The following ADGRF5 variants were observed in gnomAD, a reference collection of about 807,000 sequenced individuals.
The protein encoded by ADGRF5 is G-protein coupled receptor 116.
A neutral mutation model predicts 132.3 loss-of-function variants in ADGRF5; 75 were observed. That is an observed-to-expected ratio of 0.57 (90% CI 0.47 to 0.69). The LOEUF is 0.69. Among genes scored for constraint, ADGRF5 ranks in the 30% least tolerant of loss-of-function variants. The pLI is 0.00. For missense variants in ADGRF5, 1,516 were observed against 1,630.6 expected, an observed-to-expected ratio of 0.93 and a Z score of 1.21; for synonymous variants, 629 against 597.6, an observed-to-expected ratio of 1.05 and a Z score of -0.77.
rs368400229 is a variant in ADGRF5, at chr6:46,863,059, G to A, written c.2028C>T (p.Val676=). The A allele has an allele frequency of 9.9e-6, 16 of 1,613,782 alleles. No homozygotes were observed. Among genetic ancestry groups the A allele is most frequent in the African/African-American group, 4.0e-5 (3 of 74,866 alleles). The change falls in exon 15 of 21, where the codon GTC becomes GTT. Residue 676 remains valine, a synonymous_variant. Transcript: ENST00000283296. The part of the protein sequence containing the change: ...NITCQDPVIG[V]GEPGKVIQKL... ...TCTGGATGACTTTCCCCGGCTCTCCGACACCTATTACGGGATCCTGGCATG... is the reference window on the plus strand; with the variant it reads ...TCTGGATGACTTTCCCCGGCTCTCCAACACCTATTACGGGATCCTGGCATG...
At chr6:46,917,349 T>C (rs769242633) in intron 1 of ADGRF5, among the ~76,000 whole-genome samples, 5 of 152,240 alleles carry the variant, frequency 3.3e-5, no homozygotes, top group Non-Finnish European at 7.3e-5. Context: ...GGTCCTGCCA[T>C]GTGGATCACT....
intron 4 of ADGRF5, among the ~76,000 whole-genome samples, chr6:46,885,141 T>C (rs1222780342): frequency 6.7e-6 from 1 of 148,302 alleles, no homozygotes; most frequent in Non-Finnish European, 1.5e-5. Flanking sequence ...TTGCAGTGAG[T>C]TGAGATTGCA....
intron 9 of ADGRF5, 40 bp downstream of exon 9, chr6:46,879,778 T>C (rs41273670): frequency 4.3e-5 from 57 of 1,328,006 alleles, no homozygotes; most frequent in Non-Finnish European, 5.9e-5. Context: ...TATAAGCTCT[T>C]CATTCCATTC....
At chr6:46,864,933 T>C (rs1159227776) in intron 14 of ADGRF5, 109 bp downstream of exon 14, 1 of 742,354 alleles carries the variant, frequency 1.3e-6, no homozygotes, top group African/African-American at 1.7e-5. Flanking sequence ...CCTACCACAG[T>C]GAGGGTATTT....
rs1035961519 is a variant in ADGRF5 at position 46,863,315 on chromosome 6, T to C, written c.1991-219A>G. On this transcript the variant is annotated intron_variant, in intron 14 of 20. Coordinates refer to ENST00000283296, the MANE Select transcript of ADGRF5 (RefSeq NM_001098518.2). ...CTGACTTCTGTAATCGGAACTTCCT[T>C]TTCCTAACAGAATTTTATACCTTCA... 6.1e-6 allele frequency: 4 copies of C among 655,230 alleles called. No homozygotes were observed. In the Admixed American group the frequency reaches 8.3e-5, roughly 14 times the overall value. 40.6% of individuals were successfully genotyped at this position (655,230 alleles called of 1,614,324 possible).
At chr6:46,927,691 A>G (rs1467249051) in intron 1 of ADGRF5, among the ~76,000 whole-genome samples, 2 of 152,204 alleles carry the variant, frequency 1.3e-5, no homozygotes, top group Non-Finnish European at 2.9e-5. Flanking sequence ...TAACATCATT[A>G]TCACAGAAGT....
chr6:46,920,532 G>T (rs956451186), intron 1 of ADGRF5, among the ~76,000 whole-genome samples: 1 of 132,922 alleles, frequency 7.5e-6, no homozygotes, highest in Non-Finnish European at 1.6e-5. Context: ...TATTTGGGGG[G>T]GGGGAAGAGA....
chr6:46,857,490 C>A (rs1228828397), intron 17 of ADGRF5, among the ~76,000 whole-genome samples: 1 of 152,174 alleles, frequency 6.6e-6, no homozygotes, highest in South Asian at 2.1e-4. Flanking sequence ...CACTTCCTTC[C>A]TTGTACTTTA....
intron 1 of ADGRF5, among the ~76,000 whole-genome samples, chr6:46,937,524 A>AG (rs1165734324): frequency 1.3e-5 from 2 of 152,156 alleles, no homozygotes; most frequent in Non-Finnish European, 2.9e-5. Flanking sequence ...TGATTATCTG[A>AG]GGGGGATACA....
At chr6:46,917,601 C>G (rs187721247) in intron 1 of ADGRF5, among the ~76,000 whole-genome samples, 10 of 152,162 alleles carry the variant, frequency 6.6e-5, no homozygotes, top group Admixed American at 6.5e-4. Flanking sequence ...GAGTATGGTC[C>G]CTGGCACATA....
intron 1 of ADGRF5, among the ~76,000 whole-genome samples, chr6:46,945,950 C>T (rs1028294021): frequency 9.2e-5 from 14 of 152,148 alleles, no homozygotes; most frequent in South Asian, 2.1e-4. Flanking sequence ...ACCATGAGAA[C>T]GGTATGAGGG....
At chr6:46,868,539 T>C (rs1200206462) in intron 12 of ADGRF5, among the ~76,000 whole-genome samples, 1 of 152,236 alleles carries the variant, frequency 6.6e-6, no homozygotes, top group Non-Finnish European at 1.5e-5. Flanking sequence ...TTTACCTAGC[T>C]GTTCTAAAGC....
rs1224883969 is a variant in ADGRF5, at chr6:46,853,183, C to T, written c.*809G>A. The stretch of plus-strand genomic sequence containing the variant: ...CTTTGTAATACTTCCTCTGCAGATA[C>T]ATTCACTTAGTTCAAACCTTAACAT... On this transcript the variant is annotated 3_prime_UTR_variant, in exon 21 of 21. Transcript: ENST00000283296. 2 of 152,320 alleles carry T rather than the reference C, an allele frequency of 1.3e-5. No homozygotes were observed. Among genetic ancestry groups the T allele is most frequent in the Non-Finnish European group, 2.9e-5 (2 of 68,036 alleles). The allele number at this position is 152,320 out of a possible 1,614,324, so 9.4% of individuals were successfully genotyped here. A position where few individuals can be genotyped will look rare whatever the true frequency, so the allele number is the denominator to read the frequency against.
chr6:46,885,640 T>C (rs1562191754), intron 4 of ADGRF5, among the ~76,000 whole-genome samples: 1 of 152,178 alleles, frequency 6.6e-6, no homozygotes, highest in Non-Finnish European at 1.5e-5. Flanking sequence ...ACCTTGGCAT[T>C]GCAGTGAGTG....
At chr6:46,872,797 C>T (rs1307174901) in intron 10 of ADGRF5, among the ~76,000 whole-genome samples, 2 of 152,148 alleles carry the variant, frequency 1.3e-5, no homozygotes, top group African/African-American at 4.8e-5. Flanking sequence ...TGCTGCCATG[C>T]ACTCCTAAGG....
rs534979127 is a variant in ADGRF5, at chr6:46,944,022, G to A, written c.-25+10712C>T. On this transcript the variant is annotated intron_variant, in intron 1 of 20. Transcript: ENST00000265417. ...AACACTTTTCTAAACAAAGCTGGTA[G>A]ATATTTTCTAAACATTGTTTTTTAT... Among the ~76,000 whole-genome samples the A allele has an allele frequency of 3.9e-5, 6 of 152,296 alleles. No individual in the cohort carries two copies. In the East Asian group the frequency reaches 7.7e-4, roughly 20 times the overall value.
chr6:46,910,074 T>C (rs1240959845), intron 1 of ADGRF5, among the ~76,000 whole-genome samples: 1 of 151,878 alleles, frequency 6.6e-6, no homozygotes, highest in Admixed American at 6.6e-5. Flanking sequence ...GATCAACTCT[T>C]CTCTTAGAAA....
At chr6:46,907,528 C>T (rs141473269) in intron 1 of ADGRF5, among the ~76,000 whole-genome samples, 1 of 151,932 alleles carries the variant, frequency 6.6e-6, no homozygotes, top group East Asian at 1.9e-4. Context: ...TTTTAAAATT[C>T]ATTTTATAAT....
rs1768649949 is a variant in ADGRF5 at position 46,852,956 on chromosome 6, A to T, written c.*1036T>A. 6.6e-6 allele frequency: 1 copy of T among 152,648 alleles called. No individual in the cohort carries two copies. Among genetic ancestry groups the T allele is most frequent in the South Asian group, 2.1e-4 (1 of 4,832 alleles). 9.5% of individuals were successfully genotyped at this position (152,648 alleles called of 1,614,324 possible). Reference sequence around the variant, plus strand: ...CAATGCTATAAGATTATTAAAATCTATTCTATAATGCACAGAGAAGTACCT... The same window carrying T: ...CAATGCTATAAGATTATTAAAATCTTTTCTATAATGCACAGAGAAGTACCT... On this transcript the variant is annotated 3_prime_UTR_variant, in exon 21 of 21. Coordinates refer to ENST00000283296, the MANE Select transcript of ADGRF5 (RefSeq NM_001098518.2).
Sources: gnomAD v4.1 joint callset for allele counts (sites outside exome capture counted in the v4.1 genomes callset) on GRCh38, gnomAD v4.1.1 for gene constraint, MANE v1.5 for transcripts, NCBI Gene and HGNC (gene_info 2026-07-23, HGNC 2026-07-21) for gene names.